DECR1: variants seen among roughly 807,000 people sequenced by gnomAD.
DECR1 encodes 2,4-dienoyl-CoA reductase 1.
In DECR1, 44 loss-of-function variants were observed where a neutral mutation model predicts 38.8. The observed-to-expected ratio is 1.13, with a 90% CI of 0.89 to 1.46. The LOEUF is 1.46. Among genes scored for constraint, DECR1 ranks in the 40% most tolerant of loss-of-function variants. DECR1 has a pLI of 0.00. For synonymous variants in DECR1, 148 were observed against 135.2 expected, an observed-to-expected ratio of 1.09 and a Z score of -0.66; for missense variants, 428 against 405.5, an observed-to-expected ratio of 1.06 and a Z score of -0.48.
Position 90,053,491 on chromosome 8 carries a change from C to G in DECR1, c.*1594C>G, listed in dbSNP as rs1452612089. On this transcript the variant is annotated 3_prime_UTR_variant, in exon 10 of 10. Coordinates refer to ENST00000220764, the MANE Select transcript of DECR1 (RefSeq NM_001359.2). ...TCACTCACTCCATTTCCAAACCCAC[C>G]TTCCCACCCACCTCTCACCAAACAC... Among the ~76,000 whole-genome samples, 1 of 150,870 alleles carries G rather than the reference C, an allele frequency of 6.6e-6. No homozygotes were observed. The highest frequency in any genetic ancestry group is 2.4e-5 in the African/African-American group (1 of 40,912).
intron 7 of DECR1, among the ~76,000 whole-genome samples, chr8:90,043,747 A>G (rs1813820775): frequency 6.6e-6 from 1 of 152,234 alleles, no homozygotes; most frequent in African/African-American, 2.4e-5. Flanking sequence ...TATTTATCTG[A>G]CAATTCAATA....
Position 90,042,797 on chromosome 8 carries a change from C to G in DECR1, c.735C>G (p.Thr245=), listed in dbSNP as rs1484395834. The change falls in exon 7 of 10, where the codon ACC becomes ACG. Residue 245 remains threonine (T), a synonymous_variant. Coordinates refer to ENST00000220764, the MANE Select transcript of DECR1 (RefSeq NM_001359.2). ...TGATTCAACCAGGGCCTATAAAAAC[C>G]AAAGTAAGTTGTATTTTGCTTGTTA... ...FNVIQPGPIK[T]KGAFSRLDPT... 3 of 1,612,096 alleles carry G rather than the reference C, an allele frequency of 1.9e-6. No homozygotes were observed. Among genetic ancestry groups the G allele is most frequent in the Non-Finnish European group, 2.5e-6 (3 of 1,178,394 alleles).
chr8:90,004,580 ACATTGTTT>A (rs1812695130), intron 1 of DECR1, among the ~76,000 whole-genome samples: 1 of 152,204 alleles, frequency 6.6e-6, no homozygotes, highest in Non-Finnish European at 1.5e-5. Context: ...CCCTTAGTCA[ACATTGTTT>A]CATTGTTTTC....
intron 6 of DECR1, 180 bp downstream of exon 6, chr8:90,037,120 G>A (rs1813636975): frequency 3.8e-6 from 2 of 530,578 alleles, no homozygotes; most frequent in Non-Finnish European, 6.8e-6. Flanking sequence ...GCGCTGTCCT[G>A]TGGAACTTTC....
chr8:90,020,974 G>C lies in DECR1; in HGVS notation c.483G>C (p.Trp161Cys), dbSNP rs946424372. 4 of 1,595,660 alleles carry C rather than the reference G, an allele frequency of 2.5e-6. No individual in the cohort carries two copies. Among genetic ancestry groups the C allele is most frequent in the Non-Finnish European group, 3.4e-6 (4 of 1,172,718 alleles). Reference protein sequence around the residue: ...SPTERLSPNAWKTITDIVLNG... With the variant: ...SPTERLSPNACKTITDIVLNG... ...CTGAAAGACTTTCTCCTAATGCTTG[G>C]AAAACCATAACTGACATAGTTCTAA... Residue 161 changes from tryptophan to cysteine, a missense_variant, in exon 5 of 10, where the codon TGG becomes TGC. By Grantham distance (215) the Trp-to-Cys change is radical. Coordinates refer to ENST00000220764, the MANE Select transcript of DECR1 (RefSeq NM_001359.2).
intron 2 of DECR1, 71 bp downstream of exon 2, chr8:90,017,397 A>G: frequency 1.7e-6 from 2 of 1,187,654 alleles, no homozygotes; most frequent in Non-Finnish European, 2.4e-6. Flanking sequence ...TATTGAAAAC[A>G]CTGTTCGCCA....
At chr8:90,032,020 A>G (rs1813508363) in intron 5 of DECR1, among the ~76,000 whole-genome samples, 1 of 152,202 alleles carries the variant, frequency 6.6e-6, no homozygotes, top group South Asian at 2.1e-4. Context: ...AATATATCAT[A>G]TGCTTATAAT....
intron 6 of DECR1, 82 bp downstream of exon 6, chr8:90,037,022 T>C: frequency 4.3e-6 from 4 of 927,034 alleles, no homozygotes; most frequent in Non-Finnish European, 3.4e-6. Context: ...TGCTTTCTGG[T>C]GTCCATCCAG....
chr8:90,044,837 T>C lies in DECR1; in HGVS notation c.739-12T>C. ...AACCCGACACAACCTAATTGTTTTCTTAATTTCTAAGGGTGCCTTTAGCCG... is the reference window on the plus strand; with the variant it reads ...AACCCGACACAACCTAATTGTTTTCCTAATTTCTAAGGGTGCCTTTAGCCG... On this transcript the variant is annotated splice_polypyrimidine_tract_variant and intron_variant, in intron 7 of 9. Transcript: ENST00000220764. 2 of 1,600,540 alleles carry C rather than the reference T, an allele frequency of 1.2e-6. No individual in the cohort carries two copies. Among genetic ancestry groups the C allele is most frequent in the Non-Finnish European group, 8.5e-7 (1 of 1,175,100 alleles).
intron 8 of DECR1, among the ~76,000 whole-genome samples, chr8:90,048,668 C>A (rs1586169181): frequency 6.6e-6 from 1 of 152,172 alleles, no homozygotes; most frequent in Non-Finnish European, 1.5e-5. Context: ...AAGAGGTAAT[C>A]CTCCCTGACT....
At chr8:90,040,873 T>C (rs1586162270) in intron 6 of DECR1, among the ~76,000 whole-genome samples, 1 of 152,216 alleles carries the variant, frequency 6.6e-6, no homozygotes, top group Admixed American at 6.5e-5. Flanking sequence ...CAGTCTATCA[T>C]TGATGGGCAT....
intron 5 of DECR1, among the ~76,000 whole-genome samples, chr8:90,028,149 G>T (rs946854645): frequency 6.6e-6 from 1 of 152,066 alleles, no homozygotes; most frequent in Non-Finnish European, 1.5e-5. Context: ...TGATAGGTTG[G>T]CTACAGCCTT....
Position 90,049,517 on chromosome 8 carries a change from A to AG in DECR1, c.886-2160_886-2159insG, listed in dbSNP as rs1173690451. Among the ~76,000 whole-genome samples the AG allele has an allele frequency of 2.6e-5, 4 of 152,254 alleles. No individual in the cohort carries two copies. In the East Asian group the frequency reaches 7.7e-4, roughly 29 times the overall value. ...GGAGAACTACAAACCACTGCTCAGT[A>AG]AAATTAAAGAGGACACAAACAAATG... On this transcript the variant is annotated intron_variant, in intron 8 of 9. Transcript: ENST00000220764.
chr8:90,004,871 C>G (rs1325322787), intron 1 of DECR1, among the ~76,000 whole-genome samples: 1 of 152,156 alleles, frequency 6.6e-6, no homozygotes, highest in Non-Finnish European at 1.5e-5. Flanking sequence ...AATCACATTT[C>G]TTGCTATGGT....
At chr8:90,020,799 C>T (rs1813135013) in intron 4 of DECR1, 110 bp from the exon 5 acceptor site, 1 of 848,328 alleles carries the variant, frequency 1.2e-6, no homozygotes, top group Non-Finnish European at 1.7e-6. Flanking sequence ...TAGCTGTGGA[C>T]TTCAACTTTA....
chr8:90,051,845 A>G lies in DECR1; in HGVS notation c.956A>G (p.Lys319Arg), dbSNP rs985434184. 1.9e-6 allele frequency: 3 copies of G among 1,613,736 alleles called. No homozygotes were observed. Among genetic ancestry groups the G allele is most frequent in the African/African-American group, 1.3e-5 (1 of 74,902 alleles). Residue 319 changes from lysine (K) to arginine (R), a missense_variant, in exon 10 of 10, where the codon AAG becomes AGG. Lys to Arg is a conservative substitution (Grantham distance 26, BLOSUM62 2). Coordinates refer to ENST00000220764, the MANE Select transcript of DECR1 (RefSeq NM_001359.2). ...ACATCTTTTTTGTGTTAGGTCACCA[A>G]GGAGCAGTGGGACACCATAGAAGAA... is the stretch of plus-strand genomic sequence containing the variant. ...GEFNDLRKVT[K>R]EQWDTIEELI...
intron 1 of DECR1, among the ~76,000 whole-genome samples, chr8:90,008,798 G>C (rs1328101424): frequency 6.6e-6 from 1 of 152,070 alleles, no homozygotes; most frequent in Non-Finnish European, 1.5e-5. Flanking sequence ...AGAAATAATT[G>C]GACCAGGCGA....
chr8:90,037,550 G>T (rs1311889072), intron 6 of DECR1, among the ~76,000 whole-genome samples: 1 of 151,396 alleles, frequency 6.6e-6, no homozygotes, highest in African/African-American at 2.4e-5. Flanking sequence ...AGACTCAAGC[G>T]ATCCTCCCAC....
chr8:90,014,926 G>A (rs1041155373), intron 1 of DECR1, among the ~76,000 whole-genome samples: 2 of 152,132 alleles, frequency 1.3e-5, no homozygotes, highest in Non-Finnish European at 2.9e-5. Flanking sequence ...TTATTGTAGA[G>A]TTGCTTGGAT....
Sources: gnomAD v4.1 joint callset for allele counts (sites outside exome capture counted in the v4.1 genomes callset) on GRCh38, gnomAD v4.1.1 for gene constraint, MANE v1.5 for transcripts, NCBI Gene and HGNC (gene_info 2026-07-23, HGNC 2026-07-21) for gene names.